The following COL5A1 variants were observed in gnomAD, a reference collection of about 807,000 sequenced individuals.
The protein encoded by COL5A1 is collagen alpha-1(V) chain.
Under a neutral mutation model 263.7 loss-of-function variants are expected in COL5A1, and 16 were observed. The observed-to-expected ratio is 0.06, with a 90% confidence interval of 0.04 to 0.09. The LOEUF (loss-of-function observed/expected upper bound fraction) is 0.09. Ranked by LOEUF, COL5A1 falls within the 10% of genes least tolerant of loss-of-function variation. The pLI, the probability that COL5A1 is intolerant of heterozygous loss-of-function variation, is 1.00. For missense variants in COL5A1, 2,036 were observed against 2,540.5 expected, an observed-to-expected ratio of 0.80 and a Z score of 4.27; for synonymous variants, 1,012 against 1,004.5, an observed-to-expected ratio of 1.01 and a Z score of -0.14.
At chr9:134,783,810 A>C (rs1184956350) in intron 29 of COL5A1, among the ~76,000 whole-genome samples, 2 of 152,234 alleles carry the variant, frequency 1.3e-5, no homozygotes, top group Non-Finnish European at 2.9e-5. Context: ...GTTGCTGCTA[A>C]AGGCACCCAT....
intron 1 of COL5A1, among the ~76,000 whole-genome samples, chr9:134,657,356 AG>A (rs1462374767): frequency 6.0e-5 from 2 of 33,416 alleles, no homozygotes; most frequent in East Asian, 9.8e-4. Context: ...GGGCTGGGGT[AG>A]GGGGTGAAGT....
intron 34 of COL5A1, 54 bp downstream of exon 34, chr9:134,795,369 A>G (rs1837866628): frequency 6.5e-7 from 1 of 1,539,704 alleles, no homozygotes; most frequent in Non-Finnish European, 9.0e-7. Context: ...TTGCAAGGCT[A>G]CAGAGACGTG....
rs1554780187 is a variant in COL5A1, at chr9:134,691,068, A to G, written c.266A>G (p.Gln89Arg). 6.2e-7 allele frequency: 1 copy of G among 1,613,290 alleles called. No homozygotes were observed. The highest frequency in any genetic ancestry group is 1.7e-5 in the Admixed American group (1 of 60,030). The stretch of plus-strand genomic sequence containing the variant: ...GCGCAGCTCAGCGCACCCACCAAGC[A>G]GCTGTACCCTGGTAAGTGCCGCACC... ...KDAQLSAPTK[Q>R]LYPASAFPED... The change falls in exon 2 of 66, where the codon CAG becomes CGG. Residue 89 changes from glutamine to arginine, a missense_variant. Gln to Arg is a conservative substitution (Grantham distance 43). This residue lies in a region of COL5A1 where 600 missense variants were observed against 634.5 expected (regional missense o/e 0.95). Coordinates refer to ENST00000371817, the MANE Select transcript of COL5A1 (RefSeq NM_000093.5).
chr9:134,670,592 C>G (rs1396639583), intron 1 of COL5A1, among the ~76,000 whole-genome samples: 2 of 152,146 alleles, frequency 1.3e-5, no homozygotes, highest in Non-Finnish European at 2.9e-5. Flanking sequence ...TTTAGGCAAG[C>G]CCCCGGGTCG....
At chr9:134,702,393 C>G (rs750001541) in intron 4 of COL5A1, among the ~76,000 whole-genome samples, 1 of 151,992 alleles carries the variant, frequency 6.6e-6, no homozygotes, top group Non-Finnish European at 1.5e-5. Flanking sequence ...CGAGCGCTGC[C>G]GTGAGCTCCT....
intron 9 of COL5A1, among the ~76,000 whole-genome samples, chr9:134,737,148 C>G (rs1049961364): frequency 6.6e-6 from 1 of 152,204 alleles, no homozygotes; most frequent in Non-Finnish European, 1.5e-5. Flanking sequence ...AGCCTCTGCC[C>G]CTGTGGCTGG....
intron 1 of COL5A1, among the ~76,000 whole-genome samples, chr9:134,669,040 C>T (rs1358272078): frequency 1.4e-5 from 2 of 143,606 alleles, no homozygotes. Flanking sequence ...ATTTACTCAC[C>T]TATCCATTCA....
At chr9:134,766,828 GTCCTGGGGCT>G (rs1446835964) in intron 22 of COL5A1, among the ~76,000 whole-genome samples, 162 bp from the exon 23 acceptor site, 4 of 152,190 alleles carry the variant, frequency 2.6e-5, no homozygotes, top group Non-Finnish European at 5.9e-5. Flanking sequence ...GAGGCGCTGA[GTCCTGGGGCT>G]GCTCTCTGTG....
chr9:134,824,409 G>A (rs368530169), intron 61 of COL5A1, among the ~76,000 whole-genome samples, 191 bp from the exon 62 acceptor site: 6 of 152,358 alleles, frequency 3.9e-5, no homozygotes, highest in African/African-American at 1.2e-4. Context: ...CAGTGGGGAT[G>A]GGTGTGGAAT....
In COL5A1 at chr9:134,652,879, G is replaced by A. The variant is rs865963526; in HGVS notation, c.109+10583G>A. 2.7e-4 allele frequency: 95 copies of A among 356,328 alleles called. No individual in the cohort carries two copies. The Middle Eastern group carries it at 3.1e-3, about 12-fold the overall frequency. The allele number at this position is 356,328 out of a possible 1,614,324, so 22.1% of individuals were successfully genotyped here. On this transcript the variant is annotated intron_variant, in intron 1 of 65. Coordinates refer to ENST00000371817, the MANE Select transcript of COL5A1 (RefSeq NM_000093.5). This position sits in a 1 kb window ranked among gnomAD's most constrained non-coding sequence, Gnocchi z 4.4. ...ATTGTTTCTGACTCAGGAGGCCTTG[G>A]GTGGGCCCAGGAAACTGCATTTCTA...
intron 32 of COL5A1, among the ~76,000 whole-genome samples, chr9:134,792,212 G>A (rs1043160852): frequency 2.0e-5 from 3 of 152,296 alleles, no homozygotes; most frequent in African/African-American, 7.2e-5. Context: ...TCTTTATCCT[G>A]AGGCACTGGG....
intron 42 of COL5A1, among the ~76,000 whole-genome samples, chr9:134,808,546 C>T (rs986409244): frequency 3.4e-5 from 5 of 149,086 alleles, no homozygotes; most frequent in African/African-American, 1.3e-4. Flanking sequence ...CTTGTGTGTA[C>T]ATGTTGGTGC....
At position 134,742,642 on chromosome 9, in the gene COL5A1, G is replaced by A. The variant is rs534410337; in HGVS notation, c.1494+3834G>A. ...CAAGTGAGCTGCAGGCCAGGTGGCC[G>A]TTACTCAGCCCCTCTCTGGCCTGGG... On this transcript the variant is annotated intron_variant, in intron 11 of 65. Transcript: ENST00000371817. This position sits in a 1 kb window ranked among gnomAD's most constrained non-coding sequence, Gnocchi z 4.6. 5.9e-4 allele frequency among the ~76,000 whole-genome samples: 90 copies of A among 152,356 alleles called. No homozygotes were observed. The highest frequency in any genetic ancestry group is 1.5e-3 in the South Asian group (7 of 4,822).
rs774691915 is a variant in COL5A1, at chr9:134,691,021, C to T, written c.219C>T (p.Val73=). ...GGCGATCTTCCAAAGGCCCGGATGT[C>T]GCTTACAGAGTCACCAAAGACGCGC... ...ATRRSSKGPD[V]AYRVTKDAQL... Residue 73 remains valine (V), a synonymous_variant, in exon 2 of 66, where the codon GTC becomes GTT. Transcript: ENST00000371817. 1.9e-5 allele frequency: 30 copies of T among 1,613,666 alleles called. No individual in the cohort carries two copies. The Middle Eastern group carries it at 6.6e-4, about 35-fold the overall frequency.
rs1179662800 is a variant in COL5A1, at chr9:134,652,752, T to C, written c.109+10456T>C. The C allele has an allele frequency of 2.1e-6, 1 of 470,708 alleles. No homozygotes were observed. The highest frequency in any genetic ancestry group is 4.4e-6 in the Non-Finnish European group (1 of 226,844). The allele number at this position is 470,708 out of a possible 1,614,324, so 29.2% of individuals were successfully genotyped here. A position where few individuals can be genotyped will look rare whatever the true frequency, so the allele number is the denominator to read the frequency against. ...TCATTGTCAGACAGGAGGGAGGGCC[T>C]CTTCTTAGGCCGGGTCCAGCGTTTC... On this transcript the variant is annotated intron_variant, in intron 1 of 65. Transcript: ENST00000371817. This position sits in a 1 kb window ranked among gnomAD's most constrained non-coding sequence, Gnocchi z 4.4.
chr9:134,754,149 C>A lies in COL5A1; in HGVS notation c.1774-124C>A. The A allele has an allele frequency of 1.9e-6, 2 of 1,049,980 alleles. No homozygotes were observed. Among genetic ancestry groups the A allele is most frequent in the Non-Finnish European group, 2.9e-6 (2 of 686,008 alleles). 65.0% of individuals were successfully genotyped at this position (1,049,980 alleles called of 1,614,324 possible). ...AGATCCGTGTCCCGTCCCCGAAGTG[C>A]CCACATGTTTGTGGCTTGGACAGCC... On this transcript the variant is annotated intron_variant, in intron 15 of 65. Transcript: ENST00000371817. The surrounding 1 kb of genome is among the most constrained non-coding windows in gnomAD (Gnocchi z 4.3).
chr9:134,697,982 G>T (rs970796273), intron 2 of COL5A1, among the ~76,000 whole-genome samples: 1 of 152,170 alleles, frequency 6.6e-6, no homozygotes, highest in African/African-American at 2.4e-5. Flanking sequence ...TACTTGGGAG[G>T]CTGAGGCAAG....
intron 4 of COL5A1, among the ~76,000 whole-genome samples, chr9:134,718,013 G>C (rs79249561): frequency 1.3e-5 from 2 of 152,126 alleles, no homozygotes; most frequent in Admixed American, 6.5e-5. Flanking sequence ...GGGCTGGGGG[G>C]CCGCGGCCAC....
chr9:134,652,753 C>T lies in COL5A1; in HGVS notation c.109+10457C>T. Reference sequence around the variant, plus strand: ...CATTGTCAGACAGGAGGGAGGGCCTCTTCTTAGGCCGGGTCCAGCGTTTCT... The same window carrying T: ...CATTGTCAGACAGGAGGGAGGGCCTTTTCTTAGGCCGGGTCCAGCGTTTCT... On this transcript the variant is annotated intron_variant, in intron 1 of 65. Coordinates refer to ENST00000371817, the MANE Select transcript of COL5A1 (RefSeq NM_000093.5). The surrounding 1 kb of genome is among the most constrained non-coding windows in gnomAD (Gnocchi z 4.4). The T allele has an allele frequency of 2.1e-6, 1 of 470,736 alleles. No homozygotes were observed. Among genetic ancestry groups the T allele is most frequent in the Non-Finnish European group, 4.4e-6 (1 of 226,846 alleles). The allele number at this position is 470,736 out of a possible 1,614,324, so 29.2% of individuals were successfully genotyped here.
Sources: gnomAD v4.1 joint callset for allele counts (sites outside exome capture counted in the v4.1 genomes callset) on GRCh38, gnomAD v4.1.1 for gene constraint, gnomAD v4.1.1 regional missense constraint, Gnocchi (gnomAD v3.1) non-coding constraint, MANE v1.5 for transcripts, NCBI Gene and HGNC (gene_info 2026-07-23, HGNC 2026-07-21) for gene names.